Variants in CATSPERE observed in about 807,000 individuals in gnomAD.
CATSPERE encodes cation channel sperm-associated auxiliary subunit epsilon.
In CATSPERE, 93 loss-of-function variants were observed where a neutral mutation model predicts 114.1. The observed-to-expected ratio is 0.81, with a 90% CI of 0.69 to 0.97. CATSPERE has a LOEUF of 0.97. CATSPERE is among the 50% of genes least tolerant of loss of function. The probability of loss-of-function intolerance (pLI) is 0.00; values close to 1 mark genes in which losing one functional copy is unlikely to be tolerated. For missense variants in CATSPERE, 1,058 were observed against 1,131.6 expected (o/e 0.93, Z 0.93); for synonymous variants, 341 against 384.1 (o/e 0.89, Z 1.31).
At chr1:244,620,101 A>G (rs1671899664) in intron 20 of CATSPERE, among the ~76,000 whole-genome samples, 1 of 152,210 alleles carries the variant, frequency 6.6e-6, no homozygotes, top group South Asian at 2.1e-4. Context: ...TTGTAAAAGG[A>G]TATTATTGTA....
At chr1:244,551,981 A>G (rs898051675) in intron 8 of CATSPERE, among the ~76,000 whole-genome samples, 5 of 144,782 alleles carry the variant, frequency 3.5e-5, no homozygotes, top group Admixed American at 7.4e-5. Context: ...GGAGAATGGC[A>G]TGAGCCCGAG....
In CATSPERE at chr1:244,461,459, G is replaced by A; in HGVS notation, c.30G>A (p.Leu10=). 1.5e-6 allele frequency: 2 copies of A among 1,373,080 alleles called. No individual in the cohort carries two copies. 85.1% of individuals were successfully genotyped at this position (1,373,080 alleles called of 1,614,324 possible). The change falls in exon 1 of 22, where the codon CTG becomes CTA. Residue 10 remains leucine (L), a synonymous_variant. Transcript: ENST00000366534. ...CAGCCCGGGAAGTGGCCGTGCTGCT[G>A]CTGTGGCTGAGCTGCTATGGCTCCG... The part of the protein sequence containing the change: MSAREVAVL[L]LWLSCYGSAL...
upstream of CATSPERE, among the ~76,000 whole-genome samples, chr1:244,452,323 T>G (rs1048821528): frequency 3.9e-5 from 6 of 152,262 alleles, no homozygotes; most frequent in Admixed American, 2.0e-4. Context: ...CCACTGTGTC[T>G]GCCATCTGCA....
intron 8 of CATSPERE, among the ~76,000 whole-genome samples, chr1:244,528,950 T>G (rs576582588): frequency 7.9e-4 from 121 of 152,296 alleles, no homozygotes; most frequent in African/African-American, 2.7e-3. Flanking sequence ...TGTGCCTGGC[T>G]TATTTCACTT....
intron 17 of CATSPERE, among the ~76,000 whole-genome samples, chr1:244,597,550 T>TC (rs397983604): frequency 8.0e-5 from 12 of 150,430 alleles, no homozygotes; most frequent in African/African-American, 2.9e-4. Context: ...TTTTTTTTTT[T>TC]CATGATCTGG....
At chr1:244,582,402 T>G (rs1007165469) in intron 12 of CATSPERE, among the ~76,000 whole-genome samples, 38 of 16,168 alleles carry the variant, frequency 2.4e-3, no homozygotes, top group Non-Finnish European at 4.2e-4. Flanking sequence ...TTCTTTTTTC[T>G]TTTTCTTTTT....
chr1:244,609,134 C>T (rs1670382920), intron 18 of CATSPERE, among the ~76,000 whole-genome samples: 1 of 151,762 alleles, frequency 6.6e-6, no homozygotes, highest in African/African-American at 2.4e-5. Flanking sequence ...TGCAGTGAGC[C>T]GAGATTGTAC....
At chr1:244,595,200 C>T (rs991141829) in intron 17 of CATSPERE, among the ~76,000 whole-genome samples, 3 of 152,176 alleles carry the variant, frequency 2.0e-5, no homozygotes, top group East Asian at 3.9e-4. Flanking sequence ...TTTCTACCCT[C>T]AGAAGCAGAA....
intron 2 of CATSPERE, 41 bp downstream of exon 2, chr1:244,463,997 A>AT: frequency 7.0e-7 from 1 of 1,435,882 alleles, no homozygotes; most frequent in Non-Finnish European, 9.7e-7. Flanking sequence ...TAAATATTAA[A>AT]TTTTTTGAAC....
chr1:244,623,859 G>A (rs1345957212), intron 20 of CATSPERE, among the ~76,000 whole-genome samples: 5 of 152,152 alleles, frequency 3.3e-5, no homozygotes, highest in Admixed American at 1.3e-4. Context: ...AATCATCTGC[G>A]CTTTTAGCAA....
rs560032308 is a variant in CATSPERE, at chr1:244,496,772, A to G, written c.352-2230A>G. Among the ~76,000 whole-genome samples, 5 of 152,334 alleles carry G rather than the reference A, an allele frequency of 3.3e-5. No homozygotes were observed. In the East Asian group the frequency reaches 5.8e-4, roughly 18 times the overall value. On this transcript the variant is annotated intron_variant, in intron 6 of 21. Transcript: ENST00000366534. ...TGGATTAAACAAAAACAGTGTTCAG[A>G]AAAACACTGAATAAGAACAGGGATA...
chr1:244,589,795 C>T (rs549644541), intron 14 of CATSPERE, among the ~76,000 whole-genome samples: 3 of 152,196 alleles, frequency 2.0e-5, no homozygotes, highest in South Asian at 2.1e-4. Flanking sequence ...TAGAAGGGTC[C>T]GAATAATAAC....
intron 20 of CATSPERE, among the ~76,000 whole-genome samples, chr1:244,631,297 A>AG (rs1673912165): frequency 6.6e-6 from 1 of 151,860 alleles, no homozygotes; most frequent in East Asian, 1.9e-4. Flanking sequence ...AATAAAAAAA[A>AG]GGGAATATAG....
rs897821232 is a variant in CATSPERE at position 244,625,896 on chromosome 1, A to T, written c.2648+8210A>T. ...GAGCCACCATGCCCGGCCAAGTAGTAATATTTTGAAAGGAATCTTTTTTTT... is the reference window on the plus strand; with the variant it reads ...GAGCCACCATGCCCGGCCAAGTAGTTATATTTTGAAAGGAATCTTTTTTTT... On this transcript the variant is annotated intron_variant, in intron 20 of 21. Transcript: ENST00000366534. Among the ~76,000 whole-genome samples, 7 of 151,716 alleles carry T rather than the reference A, an allele frequency of 4.6e-5. No homozygotes were observed. The South Asian group carries it at 1.3e-3, about 27-fold the overall frequency.
chr1:244,539,442 GT>G (rs1233769453), intron 8 of CATSPERE, among the ~76,000 whole-genome samples: 1 of 136,608 alleles, frequency 7.3e-6, no homozygotes, highest in African/African-American at 2.7e-5. Context: ...CTCTTTTTTG[GT>G]TATGTCTCTG....
At chr1:244,592,232 G>C (rs1206601200) in intron 15 of CATSPERE, among the ~76,000 whole-genome samples, 4 of 152,106 alleles carry the variant, frequency 2.6e-5, no homozygotes, top group Non-Finnish European at 5.9e-5. Flanking sequence ...AATTCTACAA[G>C]ACTGTAGTTC....
rs531395097 is a variant in CATSPERE, at chr1:244,580,215, T to A, written c.1951-1581T>A. ...CCATGCCTGGCTAATTTTTGTATTT[T>A]TTTTTTTTTTTTTTTTTAGTAGAGA... is the stretch of plus-strand genomic sequence containing the variant. On this transcript the variant is annotated intron_variant, in intron 11 of 21. Transcript: ENST00000366534. Among the ~76,000 whole-genome samples, 833 of 150,046 alleles carry A rather than the reference T, an allele frequency of 5.6e-3. 6 individuals are homozygous for A. Among genetic ancestry groups the A allele is most frequent in the South Asian group, 0.034 (163 of 4,744 alleles).
intron 8 of CATSPERE, among the ~76,000 whole-genome samples, chr1:244,530,476 G>A (rs1679412953): frequency 6.6e-6 from 1 of 152,080 alleles, no homozygotes; most frequent in African/African-American, 2.4e-5. Context: ...TGTTCATTTT[G>A]TTTAGGATAG....
chr1:244,603,648 T>C (rs1269825209), intron 17 of CATSPERE, among the ~76,000 whole-genome samples: 1 of 147,818 alleles, frequency 6.8e-6, no homozygotes, highest in African/African-American at 2.5e-5. Context: ...AGATGCCAGC[T>C]CAGTTCAATT....
Sources: allele counts gnomAD v4.1 joint callset (sites outside exome capture counted in the v4.1 genomes callset), GRCh38; gene constraint gnomAD v4.1.1; transcripts MANE v1.5; gene names NCBI Gene and HGNC (gene_info 2026-07-23, HGNC 2026-07-21).